The following PLEKHA3 variants were observed in gnomAD, a reference collection of about 807,000 sequenced individuals.
PLEKHA3 encodes pleckstrin homology domain-containing family A member 3.
Under a neutral mutation model 39.2 loss-of-function variants are expected in PLEKHA3, and 19 were observed. The observed-to-expected ratio is 0.48, with a 90% CI of 0.34 to 0.71. The LOEUF (loss-of-function observed/expected upper bound fraction) is 0.71, where lower values mean the gene tolerates loss of function less well. Among genes scored for constraint, PLEKHA3 ranks in the 30% least tolerant of loss-of-function variants. The probability of loss-of-function intolerance (pLI) is 0.01; values close to 1 mark genes in which losing one functional copy is unlikely to be tolerated. For missense variants in PLEKHA3, 253 were observed against 359.5 expected (o/e 0.70, Z 2.40); for synonymous variants, 97 against 118.6 (o/e 0.82, Z 1.18).
rs757091726 is a variant in PLEKHA3 at position 178,501,018 on chromosome 2, TA to T, written c.660-42del. ...AATTCCAGTTGAGTGTGTTTTTGTT[TA>T]TGTAAGGCCTTACAATTTAATGCTT... On this transcript the variant is annotated intron_variant, in intron 6 of 7. Coordinates refer to ENST00000234453, the MANE Select transcript of PLEKHA3 (RefSeq NM_019091.4). 52 of 1,254,810 alleles carry T rather than the reference TA, an allele frequency of 4.1e-5. No homozygotes were observed. In the African/African-American group the frequency reaches 7.3e-4, roughly 18 times the overall value. The allele number at this position is 1,254,810 out of a possible 1,614,324, so 77.7% of individuals were successfully genotyped here.
At position 178,490,796 on chromosome 2, in the gene PLEKHA3, A is replaced by G. The variant is rs1321989507; in HGVS notation, c.295A>G (p.Arg99Gly). The G allele has an allele frequency of 1.2e-6, 2 of 1,608,646 alleles. No homozygotes were observed. Among genetic ancestry groups the G allele is most frequent in the East Asian group, 2.2e-5 (1 of 44,838 alleles). The stretch of plus-strand genomic sequence containing the variant: ...CTCCAAAGCATGTTTGACTGATACA[A>G]GGACTAAAAAAGAAAAAGGTAACTA... ...GSSKACLTDT[R>G]TKKEKEISET... Residue 99 changes from arginine (R) to glycine (G), a missense_variant, in exon 3 of 8, where the codon AGG (arginine) becomes GGG (glycine). Arg to Gly is a moderately radical substitution (Grantham distance 125). Around this residue, in one of 2 missense-constraint regions of PLEKHA3, gnomAD observed 126 missense variants for 222.7 expected, o/e 0.57. Transcript: ENST00000234453.
Position 178,505,420 on chromosome 2 carries a change from A to G in PLEKHA3, c.*1533A>G, listed in dbSNP as rs1336662351. The G allele has an allele frequency of 6.6e-6, 1 of 151,978 alleles. No homozygotes were observed. Among genetic ancestry groups the G allele is most frequent in the Non-Finnish European group, 1.5e-5 (1 of 67,890 alleles). 9.4% of individuals were successfully genotyped at this position (151,978 alleles called of 1,614,324 possible). ...TGAAGTGTTTGTAATTTTAAATAAC[A>G]CACAGGTCATCAGACTACTCTATAT... On this transcript the variant is annotated 3_prime_UTR_variant, in exon 8 of 8. Transcript: ENST00000234453.
chr2:178,506,807 GTTCCTTTGAGGAGGTCTGTCT>G lies in PLEKHA3; in HGVS notation c.*2923_*2943del, dbSNP rs376612260. The G allele has an allele frequency of 0.04, 6,084 of 152,346 alleles. 198 individuals carry two copies. Among genetic ancestry groups the G allele is most frequent in the Non-Finnish European group, 0.057 (3,850 of 68,034 alleles). 9.4% of individuals were successfully genotyped at this position (152,346 alleles called of 1,614,324 possible). ...AAGAAAGCCAGATTAGGCTGCAGGA[GTTCCTTTGAGGAGGTCTGTCT>G]TTTAATAACCCTGGCGGGTAAATGA... On this transcript the variant is annotated 3_prime_UTR_variant, in exon 8 of 8. Transcript: ENST00000234453.
chr2:178,494,117 C>G, intron 4 of PLEKHA3, 128 bp downstream of exon 4: 1 of 1,002,268 alleles, frequency 1.0e-6, no homozygotes, highest in South Asian at 1.9e-5. Flanking sequence ...GTTCTGCCTA[C>G]TGTATACTAT....
chr2:178,499,210 G>C lies in PLEKHA3; in HGVS notation c.616-1G>C. On this transcript the variant is annotated splice_acceptor_variant, in intron 5 of 7. Transcript: ENST00000234453. LOFTEE classifies it high-confidence loss of function. ...TTTTTTTTTTTTTCCAAAATTTCTA[G>C]ATGAAGCGTTCTGTCAGCCACCCTG... 6.3e-7 allele frequency: 1 copy of C among 1,597,862 alleles called. No homozygotes were observed. The highest frequency in any genetic ancestry group is 8.5e-7 in the Non-Finnish European group (1 of 1,173,838).
chr2:178,515,664 G>A lies in PLEKHA3; in HGVS notation c.*11777G>A, dbSNP rs1685751178. On this transcript the variant is annotated 3_prime_UTR_variant, in exon 8 of 8. Coordinates refer to ENST00000234453, the MANE Select transcript of PLEKHA3 (RefSeq NM_019091.4). ...TTAATATTCATTGACCACTCACTAA[G>A]TGTTATGTTGCTAGTATTTATCTTT... The A allele has an allele frequency of 1.3e-5, 2 of 152,066 alleles. No homozygotes were observed. The highest frequency in any genetic ancestry group is 2.1e-4 in the South Asian group (1 of 4,834). 9.4% of individuals were successfully genotyped at this position (152,066 alleles called of 1,614,324 possible). A position where few individuals can be genotyped will look rare whatever the true frequency, so the allele number is the denominator to read the frequency against.
intron 1 of PLEKHA3, among the ~76,000 whole-genome samples, chr2:178,484,502 G>C (rs1426669490): frequency 1.3e-5 from 2 of 152,146 alleles, no homozygotes; most frequent in African/African-American, 4.8e-5. Context: ...TTAAGTCCTG[G>C]ATCTGTATTA....
rs1685612615 is a variant in PLEKHA3 at position 178,507,011 on chromosome 2, A to G, written c.*3124A>G. ...AACTAGTTAATGTACATAGTTTGAAAAAATCAAATAGAACTAAAAGGTTTA... is the reference window on the plus strand; with the variant it reads ...AACTAGTTAATGTACATAGTTTGAAGAAATCAAATAGAACTAAAAGGTTTA... On this transcript the variant is annotated 3_prime_UTR_variant, in exon 8 of 8. Transcript: ENST00000234453. The G allele has an allele frequency of 1.3e-5, 2 of 152,172 alleles. No homozygotes were observed. The highest frequency in any genetic ancestry group is 2.9e-5 in the Non-Finnish European group (2 of 68,038). The allele number at this position is 152,172 out of a possible 1,614,324, so 9.4% of individuals were successfully genotyped here.
chr2:178,512,050 G>A lies in PLEKHA3; in HGVS notation c.*8163G>A, dbSNP rs1351884767. On this transcript the variant is annotated 3_prime_UTR_variant, in exon 8 of 8. Coordinates refer to ENST00000234453, the MANE Select transcript of PLEKHA3 (RefSeq NM_019091.4). ...GAGATGCGGAAGTACAGGACTACCA[G>A]TGCAGCCAAGATGCACAGCACCAGG... 2.0e-5 allele frequency: 3 copies of A among 152,194 alleles called. No individual in the cohort carries two copies. The highest frequency in any genetic ancestry group is 4.4e-5 in the Non-Finnish European group (3 of 68,028). 9.4% of individuals were successfully genotyped at this position (152,194 alleles called of 1,614,324 possible). A position where few individuals can be genotyped will look rare whatever the true frequency, so the allele number is the denominator to read the frequency against.
chr2:178,502,874 A>G (rs1021223965), intron 7 of PLEKHA3, among the ~76,000 whole-genome samples: 4 of 152,012 alleles, frequency 2.6e-5, no homozygotes, highest in East Asian at 1.9e-4. Flanking sequence ...ATTAGCAAGT[A>G]TAGACTAGGT....
intron 1 of PLEKHA3, among the ~76,000 whole-genome samples, chr2:178,484,313 A>G (rs1401960863): frequency 6.6e-6 from 1 of 152,190 alleles, no homozygotes; most frequent in Admixed American, 6.5e-5. Flanking sequence ...TGTTTCATAA[A>G]AAGGAATCTT....
intron 1 of PLEKHA3, among the ~76,000 whole-genome samples, chr2:178,485,232 G>C (rs541420222): frequency 6.6e-6 from 1 of 152,324 alleles, no homozygotes; most frequent in East Asian, 1.9e-4. Flanking sequence ...ATTAAAGAAT[G>C]ATACTATAGG....
At chr2:178,499,153 T>A in intron 5 of PLEKHA3, 58 bp from the exon 6 acceptor site, 1 of 1,484,256 alleles carries the variant, frequency 6.7e-7, no homozygotes, top group Non-Finnish European at 9.2e-7. Flanking sequence ...TAGAGCTGCA[T>A]GATTCTACTT....
intron 5 of PLEKHA3, among the ~76,000 whole-genome samples, chr2:178,496,512 A>C (rs1685449430): frequency 7.6e-6 from 1 of 131,720 alleles, no homozygotes; most frequent in Non-Finnish European, 1.5e-5. Flanking sequence ...CAGCAAATTT[A>C]GTTATGAGAT....
At chr2:178,483,695 G>A (rs959358259) in intron 1 of PLEKHA3, among the ~76,000 whole-genome samples, 6 of 152,204 alleles carry the variant, frequency 3.9e-5, no homozygotes, top group South Asian at 2.1e-4. Flanking sequence ...GTAAATTAGT[G>A]TTTGGAAAGA....
chr2:178,492,729 T>C (rs1420931814), intron 3 of PLEKHA3, among the ~76,000 whole-genome samples: 1 of 151,494 alleles, frequency 6.6e-6, no homozygotes, highest in African/African-American at 2.4e-5. Flanking sequence ...GAAAATAGAA[T>C]GTTGGTTTCC....
chr2:178,486,982 A>C (rs919371001), intron 2 of PLEKHA3, among the ~76,000 whole-genome samples: 1 of 152,242 alleles, frequency 6.6e-6, no homozygotes, highest in African/African-American at 2.4e-5. Context: ...TGGTATGGCA[A>C]ACTTTATTTA....
At position 178,515,019 on chromosome 2, in the gene PLEKHA3, T is replaced by C. The variant is rs1208798886; in HGVS notation, c.*11132T>C. ...GCTATATACCGATGACTTACCAATT[T>C]TTGGTCTTATAACATTCTCTCTCTT... On this transcript the variant is annotated 3_prime_UTR_variant, in exon 8 of 8. Transcript: ENST00000234453. 2.0e-5 allele frequency: 3 copies of C among 151,820 alleles called. No homozygotes were observed. The highest frequency in any genetic ancestry group is 4.4e-5 in the Non-Finnish European group (3 of 68,000). 9.4% of individuals were successfully genotyped at this position (151,820 alleles called of 1,614,324 possible).
In PLEKHA3 at chr2:178,513,235, G is replaced by C. The variant is rs1042442769; in HGVS notation, c.*9348G>C. On this transcript the variant is annotated 3_prime_UTR_variant, in exon 8 of 8. Transcript: ENST00000234453. ...GGTAGAGACGGGGTTTTACCGTGTT[G>C]GTCAGGCTGGTCTCGAATGCCTGAC... The C allele has an allele frequency of 1.3e-5, 2 of 152,146 alleles. No individual in the cohort carries two copies. Among genetic ancestry groups the C allele is most frequent in the Admixed American group, 6.5e-5 (1 of 15,268 alleles). 9.4% of individuals were successfully genotyped at this position (152,146 alleles called of 1,614,324 possible).
Sources: allele counts gnomAD v4.1 joint callset (sites outside exome capture counted in the v4.1 genomes callset), GRCh38; gene constraint gnomAD v4.1.1; regional missense constraint gnomAD v4.1.1; transcripts MANE v1.5; gene names NCBI Gene and HGNC (gene_info 2026-07-23, HGNC 2026-07-21).